The following LRRIQ1 variants were observed in gnomAD, a reference collection of about 807,000 sequenced individuals.
LRRIQ1 encodes leucine-rich repeat- and IQ domain-containing protein 1.
In LRRIQ1, 210 loss-of-function variants were observed where a neutral mutation model predicts 211.9. The observed-to-expected ratio is 0.99, with a 90% confidence interval of 0.89 to 1.11. The LOEUF is 1.11. Among genes scored for constraint, LRRIQ1 ranks in the 50% most tolerant of loss-of-function variants. LRRIQ1 has a pLI of 0.00. For synonymous variants in LRRIQ1, 699 were observed against 650.1 expected (o/e 1.08, Z -1.14); for missense variants, 2,136 against 1,939.5 (o/e 1.10, Z -1.90).
chr12:85,271,443 A>G, the LRRIQ1 span, among the ~76,000 whole-genome samples: 1 of 152,308 alleles, frequency 6.6e-6, no homozygotes, highest in East Asian at 1.9e-4. Flanking sequence ...GCTAAAATTC[A>G]CTAAGTCTTT....
intron 7 of LRRIQ1, among the ~76,000 whole-genome samples, chr12:85,053,198 G>A (rs1880538864): frequency 1.3e-5 from 2 of 152,088 alleles, no homozygotes; most frequent in Non-Finnish European, 2.9e-5. Context: ...GACACATGGT[G>A]AAAAGATATA....
chr12:85,230,623 T>C (rs1167187812), intron 25 of LRRIQ1, among the ~76,000 whole-genome samples: 1 of 152,190 alleles, frequency 6.6e-6, no homozygotes, highest in African/African-American at 2.4e-5. Context: ...ATATAAAGCA[T>C]ATACGCATCC....
chr12:85,133,517 G>T (rs1382788674), intron 18 of LRRIQ1, among the ~76,000 whole-genome samples: 1 of 152,140 alleles, frequency 6.6e-6, no homozygotes, highest in Non-Finnish European at 1.5e-5. Context: ...CTGTGGTGAG[G>T]TTGCCTTGGA....
chr12:85,237,510 C>T (rs1895245563), intron 26 of LRRIQ1, among the ~76,000 whole-genome samples: 1 of 151,990 alleles, frequency 6.6e-6, no homozygotes, highest in Non-Finnish European at 1.5e-5. Flanking sequence ...GTATATACTG[C>T]ACTATGTGAC....
At chr12:85,122,375 C>T (rs1888048893) in intron 16 of LRRIQ1, among the ~76,000 whole-genome samples, 1 of 152,042 alleles carries the variant, frequency 6.6e-6, no homozygotes, top group Non-Finnish European at 1.5e-5. Context: ...AGCACTTGCA[C>T]CCATTTAGAC....
At chr12:85,082,152 C>T (rs1003293745) in intron 11 of LRRIQ1, among the ~76,000 whole-genome samples, 1 of 152,058 alleles carries the variant, frequency 6.6e-6, no homozygotes, top group South Asian at 2.1e-4. Flanking sequence ...TTCCTTAACA[C>T]TTATTTAAAT....
intron 15 of LRRIQ1, among the ~76,000 whole-genome samples, chr12:85,111,457 TA>T (rs1887169614): frequency 6.6e-6 from 1 of 152,084 alleles, no homozygotes; most frequent in Non-Finnish European, 1.5e-5. Flanking sequence ...TCCATTCGTG[TA>T]ACTAGTCATA....
rs1236654525 is a variant in LRRIQ1 at position 85,124,548 on chromosome 12, T to C, written c.4007+29T>C. 2.0e-6 allele frequency: 3 copies of C among 1,525,400 alleles called. No homozygotes were observed. In the Admixed American group the frequency reaches 5.1e-5, roughly 26 times the overall value. 94.5% of individuals were successfully genotyped at this position (1,525,400 alleles called of 1,614,324 possible). A position where few individuals can be genotyped will look rare whatever the true frequency, so the allele number is the denominator to read the frequency against. On this transcript the variant is annotated intron_variant, in intron 17 of 26. Transcript: ENST00000393217. ...AGATATATAAATAATGTTTCTTTTA[T>C]AGATGTATGTTTACTCCTTTTGATG...
intron 10 of LRRIQ1, among the ~76,000 whole-genome samples, chr12:85,068,861 T>C (rs1882735943): frequency 6.6e-6 from 1 of 151,500 alleles, no homozygotes; most frequent in South Asian, 2.1e-4. Context: ...TGCCTCAGGC[T>C]TTGTCCATTT....
chr12:85,248,540 C>G (rs1180968237), downstream of LRRIQ1, among the ~76,000 whole-genome samples: 2 of 151,640 alleles, frequency 1.3e-5, no homozygotes, highest in Non-Finnish European at 3.0e-5. Context: ...ATTACATTTT[C>G]ACAGTTAGTT....
At chr12:85,175,686 G>A (rs1891664002) in intron 24 of LRRIQ1, among the ~76,000 whole-genome samples, 1 of 152,070 alleles carries the variant, frequency 6.6e-6, no homozygotes, top group Non-Finnish European at 1.5e-5. Context: ...TTTTGTATAA[G>A]GTGTAAGGAA....
At chr12:85,191,401 T>C (rs533985868) in intron 24 of LRRIQ1, among the ~76,000 whole-genome samples, 10 of 152,116 alleles carry the variant, frequency 6.6e-5, no homozygotes, top group South Asian at 4.1e-4. Context: ...GAATGTCACA[T>C]AGTTGGAATC....
At chr12:85,110,356 T>G (rs1245362369) in intron 15 of LRRIQ1, among the ~76,000 whole-genome samples, 1 of 152,146 alleles carries the variant, frequency 6.6e-6, no homozygotes, top group Non-Finnish European at 1.5e-5. Context: ...CACTCTGTGC[T>G]CAACACTGTT....
At chr12:85,197,688 G>A (rs1211625287) in intron 24 of LRRIQ1, among the ~76,000 whole-genome samples, 1 of 151,592 alleles carries the variant, frequency 6.6e-6, no homozygotes, top group Non-Finnish European at 1.5e-5. Context: ...TGGGGTGGTG[G>A]GAGTGGGGAG....
At chr12:85,199,025 G>T (rs1017515205) in intron 24 of LRRIQ1, among the ~76,000 whole-genome samples, 1 of 152,044 alleles carries the variant, frequency 6.6e-6, no homozygotes, top group African/African-American at 2.4e-5. Context: ...TTTGTTGGAG[G>T]CACAGTTGGC....
chr12:85,131,480 A>T (rs545928564), intron 18 of LRRIQ1, among the ~76,000 whole-genome samples: 147 of 152,266 alleles, frequency 9.7e-4, no homozygotes, highest in African/African-American at 3.3e-3. Context: ...CACTTAAAGG[A>T]TATGAGCTAC....
At chr12:85,167,585 T>G (rs1287114636) in intron 24 of LRRIQ1, among the ~76,000 whole-genome samples, 2 of 152,178 alleles carry the variant, frequency 1.3e-5, no homozygotes, top group Non-Finnish European at 2.9e-5. Flanking sequence ...AAGTCTCTCT[T>G]CCATCTTCTC....
Position 85,055,916 on chromosome 12 carries a change from A to T in LRRIQ1, c.1123A>T (p.Arg375Ter). The change falls in exon 8 of 27, where the codon AGA becomes TGA. Residue 375 changes from arginine (R) to a stop codon, truncating the protein, a stop_gained. Transcript: ENST00000393217. LOFTEE classifies it high-confidence loss of function. ...EEKKNIVKQE[R>*]EQLISKEKII... Reference sequence around the variant, plus strand: ...AAAAAAGAATATTGTGAAACAGGAAAGAGAGCAACTAATAAGCAAGGAAAA... The same window carrying T: ...AAAAAAGAATATTGTGAAACAGGAATGAGAGCAACTAATAAGCAAGGAAAA... 1 of 1,603,734 alleles carries T rather than the reference A, an allele frequency of 6.2e-7. No individual in the cohort carries two copies.
chr12:85,080,943 A>G (rs989315351), intron 11 of LRRIQ1, among the ~76,000 whole-genome samples: 5 of 152,010 alleles, frequency 3.3e-5, no homozygotes, highest in African/African-American at 7.2e-5. Flanking sequence ...AGAGGCTAGT[A>G]TATTATTATT....
Sources: gnomAD v4.1 joint callset for allele counts (sites outside exome capture counted in the v4.1 genomes callset) on GRCh38, gnomAD v4.1.1 for gene constraint, MANE v1.5 for transcripts, NCBI Gene and HGNC (gene_info 2026-07-23, HGNC 2026-07-21) for gene names.